Variants in TFAP2A observed in about 807,000 individuals in gnomAD.
The protein encoded by TFAP2A is transcription factor AP-2-alpha.
In TFAP2A, 7 loss-of-function variants were observed where a neutral mutation model predicts 41.5. The ratio of observed to expected loss-of-function variants is 0.17; its 90% CI spans 0.10 to 0.32. TFAP2A has a LOEUF of 0.32. TFAP2A is among the 10% of genes least tolerant of loss of function. TFAP2A has a pLI of 1.00. For missense variants in TFAP2A, 416 were observed against 563.3 expected (o/e 0.74, Z 2.65); for synonymous variants, 247 against 242.8 (o/e 1.02, Z -0.16).
upstream of TFAP2A, chr6:10,419,484 C>T: frequency 3.1e-6 from 5 of 1,614,170 alleles, no homozygotes; most frequent in Middle Eastern, 3.3e-4. Flanking sequence ...TGGTCCCCGC[C>T]GGGCATGGGC....
intron 4 of TFAP2A, 60 bp downstream of exon 4, chr6:10,404,448 G>A (rs537018366): frequency 1.6e-6 from 2 of 1,265,746 alleles, no homozygotes; most frequent in East Asian, 3.1e-5. Context: ...CCGCCCCGGC[G>A]CAAGCGCAGT....
intron 3 of TFAP2A, 68 bp downstream of exon 3, chr6:10,406,725 C>T: frequency 1.5e-6 from 2 of 1,359,954 alleles, no homozygotes; most frequent in Non-Finnish European, 2.1e-6. Context: ...AAACACATCT[C>T]TGCAAGTTCT....
In TFAP2A at chr6:10,409,897, T is replaced by C. The variant is rs540875367; in HGVS notation, c.486+4A>G. 58 of 1,548,010 alleles carry C rather than the reference T, an allele frequency of 3.7e-5. No individual in the cohort carries two copies. The East Asian group carries it at 1.3e-3, about 34-fold the overall frequency. On this transcript the variant is annotated splice_donor_region_variant and intron_variant, in intron 2 of 6. Transcript: ENST00000379613. Reference sequence around the variant, plus strand: ...CCTCCCGCGCTGGTTGCGCGGCCTCTTACCGGGACCTCCTCGATGGCGTGA... The same window carrying C: ...CCTCCCGCGCTGGTTGCGCGGCCTCCTACCGGGACCTCCTCGATGGCGTGA...
intron 1 of TFAP2A, chr6:10,412,768 C>T (rs1490857745): frequency 8.5e-6 from 2 of 234,094 alleles, no homozygotes; most frequent in South Asian, 7.4e-5. Flanking sequence ...CCCGCTGCTG[C>T]GCGGCTCCTC....
At chr6:10,403,686 C>A (rs560587073) in intron 4 of TFAP2A, among the ~76,000 whole-genome samples, 1 of 152,290 alleles carries the variant, frequency 6.6e-6, no homozygotes, top group South Asian at 2.1e-4. Context: ...GGGTAGGAAG[C>A]CCACAGCAGG....
Position 10,410,306 on chromosome 6 carries a change from C to T in TFAP2A, c.81G>A (p.Thr27=). ...EDRHDGTSNG[T]ARLPQLGTVG... is the part of the protein sequence containing the mutation. ...CAGTGCCCAGCTGGGGCAACCGTGC[C>T]GTCCCGTTGCTGGTGCCGTCGTGAC... The change falls in exon 2 of 7, where the codon ACG becomes ACA. Residue 27 remains threonine (T), a synonymous_variant. Transcript: ENST00000379613. 6.2e-7 allele frequency: 1 copy of T among 1,612,490 alleles called. No individual in the cohort carries two copies. Among genetic ancestry groups the T allele is most frequent in the Non-Finnish European group, 8.5e-7 (1 of 1,179,652 alleles).
At chr6:10,404,810 C>T in intron 3 of TFAP2A, 71 bp from the exon 4 acceptor site, 6 of 1,419,336 alleles carry the variant, frequency 4.2e-6, no homozygotes, top group Non-Finnish European at 5.9e-6. Flanking sequence ...GACCCCGGCC[C>T]TCATCCCGGC....
At chr6:10,407,193 C>T (rs1757753792) in intron 2 of TFAP2A, 4 of 300,752 alleles carry the variant, frequency 1.3e-5, no homozygotes, top group East Asian at 8.3e-5. Context: ...TTTAGATTGG[C>T]GCCTCAGCGG....
upstream of TFAP2A, among the ~76,000 whole-genome samples, chr6:10,418,858 C>T (rs1384856907): frequency 6.6e-6 from 1 of 152,188 alleles, no homozygotes; most frequent in African/African-American, 2.4e-5. Flanking sequence ...CCTACAGAAA[C>T]ACGCTGCCTC....
rs1761833789 is a variant in TFAP2A at position 10,397,848 on chromosome 6, G to C, written c.*569C>G. ...CTTCTACAACTGAAGACATGACATG[G>C]AACTTCGTGTATTTGTGTTCAAGTT... On this transcript the variant is annotated 3_prime_UTR_variant, in exon 7 of 7. Transcript: ENST00000379613. 6.1e-6 allele frequency: 6 copies of C among 986,610 alleles called. No homozygotes were observed. The South Asian group carries it at 2.8e-4, about 46-fold the overall frequency. The allele number at this position is 986,610 out of a possible 1,614,324, so 61.1% of individuals were successfully genotyped here. A position where few individuals can be genotyped will look rare whatever the true frequency, so the allele number is the denominator to read the frequency against.
chr6:10,398,690 C>T lies in TFAP2A; in HGVS notation c.1047G>A (p.Glu349=). ...MLLATKQICK[E]FTDLLAQDRS... ...GGTCCTGAGCCAGCAGGTCGGTGAA[C>T]TCTTTGCATATCTGTCTGCAGCACA... Residue 349 remains glutamate (E), a synonymous_variant, in exon 7 of 7, where the codon GAG becomes GAA. Coordinates refer to ENST00000379613, the MANE Select transcript of TFAP2A (RefSeq NM_001372066.1). The surrounding 1 kb of genome is among the most constrained non-coding windows in gnomAD (Gnocchi z 5.3). The T allele has an allele frequency of 6.2e-7, 1 of 1,614,130 alleles. No homozygotes were observed. The highest frequency in any genetic ancestry group is 8.5e-7 in the Non-Finnish European group (1 of 1,180,010).
upstream of TFAP2A, chr6:10,418,735 C>G (rs1189432607): frequency 6.5e-6 from 1 of 152,838 alleles, no homozygotes; most frequent in Admixed American, 6.5e-5. Flanking sequence ...TCACCACCCC[C>G]CTGCCTCCTC....
At chr6:10,415,469 G>A, upstream of TFAP2A, 1 of 261,072 alleles carries the variant, frequency 3.8e-6, no homozygotes, top group South Asian at 5.0e-5. Flanking sequence ...TCCGCCGCGA[G>A]GCCCTGCCCC....
In TFAP2A at chr6:10,397,826, C is replaced by T. The variant is rs1761833020; in HGVS notation, c.*591G>A. The T allele has an allele frequency of 1.0e-6, 1 of 985,978 alleles. No homozygotes were observed. The highest frequency in any genetic ancestry group is 1.2e-6 in the Non-Finnish European group (1 of 830,324). The allele number at this position is 985,978 out of a possible 1,614,324, so 61.1% of individuals were successfully genotyped here. A position where few individuals can be genotyped will look rare whatever the true frequency, so the allele number is the denominator to read the frequency against. On this transcript the variant is annotated 3_prime_UTR_variant, in exon 7 of 7. Transcript: ENST00000379613. Reference sequence around the variant, plus strand: ...GCTTTACCTTAAAGAGGAAAAACTTCTACAACTGAAGACATGACATGGAAC... The same window carrying T: ...GCTTTACCTTAAAGAGGAAAAACTTTTACAACTGAAGACATGACATGGAAC...
chr6:10,411,472 C>T, intron 1 of TFAP2A: 1 of 1,605,970 alleles, frequency 6.2e-7, no homozygotes, highest in South Asian at 1.1e-5. Context: ...TGAAGGAAAG[C>T]TGGGCGTGAA....
chr6:10,397,541 A>G lies in TFAP2A; in HGVS notation c.*876T>C, dbSNP rs1208170205. 1 of 152,222 alleles carries G rather than the reference A, an allele frequency of 6.6e-6. No homozygotes were observed. The allele number at this position is 152,222 out of a possible 1,614,324, so 9.4% of individuals were successfully genotyped here. A position where few individuals can be genotyped will look rare whatever the true frequency, so the allele number is the denominator to read the frequency against. On this transcript the variant is annotated 3_prime_UTR_variant, in exon 7 of 7. Transcript: ENST00000379613. Reference sequence around the variant, plus strand: ...TGCTACAACAGGGCTAAATTCATGAATCCCAGAGAAAAAAATCCCCCAAAC... The same window carrying G: ...TGCTACAACAGGGCTAAATTCATGAGTCCCAGAGAAAAAAATCCCCCAAAC...
At chr6:10,407,707 A>C (rs1195987979) in intron 2 of TFAP2A, 1 of 151,906 alleles carries the variant, frequency 6.6e-6, no homozygotes, top group East Asian at 1.9e-4. Context: ...CATTTAAAAA[A>C]CTATTGCTTC....
chr6:10,398,391 G>T lies in TFAP2A; in HGVS notation c.*26C>A, dbSNP rs552520811. On this transcript the variant is annotated 3_prime_UTR_variant, in exon 7 of 7. Coordinates refer to ENST00000379613, the MANE Select transcript of TFAP2A (RefSeq NM_001372066.1). The surrounding 1 kb of genome is among the most constrained non-coding windows in gnomAD (Gnocchi z 5.3). Reference sequence around the variant, plus strand: ...GGCGCGCGGGGGGCTGGTGAGGCGTGGGAGGGGCGGGGCGGGAGGAGAGCC... The same window carrying T: ...GGCGCGCGGGGGGCTGGTGAGGCGTTGGAGGGGCGGGGCGGGAGGAGAGCC... 6.2e-7 allele frequency: 1 copy of T among 1,612,562 alleles called. No homozygotes were observed. The highest frequency in any genetic ancestry group is 2.2e-5 in the East Asian group (1 of 44,834).
chr6:10,407,150 T>G (rs1484579967), intron 2 of TFAP2A: 1 of 412,466 alleles, frequency 2.4e-6, no homozygotes, highest in African/African-American at 2.0e-5. Context: ...CTAATCATTC[T>G]CAGTCAGTTC....
Sources: allele counts gnomAD v4.1 joint callset (sites outside exome capture counted in the v4.1 genomes callset), GRCh38; gene constraint gnomAD v4.1.1; non-coding constraint Gnocchi (gnomAD v3.1); transcripts MANE v1.5; gene names NCBI Gene and HGNC (gene_info 2026-07-23, HGNC 2026-07-21).